The following LURAP1 variants were observed in gnomAD, a reference collection of about 807,000 sequenced individuals.
LURAP1 encodes the protein leucine rich adaptor protein 1.
Under a neutral mutation model 19.0 loss-of-function variants are expected in LURAP1, and 14 were observed. That is an observed-to-expected ratio of 0.74 (90% CI 0.49 to 1.15). The LOEUF (loss-of-function observed/expected upper bound fraction) is 1.15, where lower values mean the gene tolerates loss of function less well. Ranked by LOEUF, LURAP1 falls within the 50% of genes most tolerant of loss-of-function variation. The pLI is 0.00. For missense variants in LURAP1, 273 were observed against 309.1 expected, an observed-to-expected ratio of 0.88 and a Z score of 0.87; for synonymous variants, 129 against 131.8, an observed-to-expected ratio of 0.98 and a Z score of 0.14.
intron 1 of LURAP1, among the ~76,000 whole-genome samples, chr1:46,211,997 G>C (rs977558707): frequency 6.6e-6 from 1 of 152,032 alleles, no homozygotes; most frequent in African/African-American, 2.4e-5. Context: ...CCTGATCTCA[G>C]GTGATCTTCC....
In LURAP1 at chr1:46,220,539, C is replaced by G. The variant is rs932569278; in HGVS notation, c.*319C>G. ...TGACCTCCTGGGCTCAAGCGATCCT[C>G]CTATTTCAGCCTCCCCCATAGTTAG... On this transcript the variant is annotated 3_prime_UTR_variant, in exon 2 of 2. Transcript: ENST00000371980. The G allele has an allele frequency of 6.2e-5, 14 of 224,584 alleles. No homozygotes were observed. The highest frequency in any genetic ancestry group is 3.2e-4 in the African/African-American group (14 of 43,782). 13.9% of individuals were successfully genotyped at this position (224,584 alleles called of 1,614,324 possible). A position where few individuals can be genotyped will look rare whatever the true frequency, so the allele number is the denominator to read the frequency against.
intron 1 of LURAP1, among the ~76,000 whole-genome samples, chr1:46,214,502 C>CA (rs1659002644): frequency 6.6e-6 from 1 of 152,078 alleles, no homozygotes; most frequent in Non-Finnish European, 1.5e-5. Flanking sequence ...AAAAGGTAAA[C>CA]ATTCAGAGAA....
chr1:46,217,673 C>T (rs751395922), intron 1 of LURAP1, among the ~76,000 whole-genome samples: 26 of 151,868 alleles, frequency 1.7e-4, no homozygotes, highest in Non-Finnish European at 2.5e-4. Flanking sequence ...CCTGGCTAAC[C>T]TGGTGATGCC....
Position 46,220,362 on chromosome 1 carries a change from C to T in LURAP1, c.*142C>T. 1 of 850,242 alleles carries T rather than the reference C, an allele frequency of 1.2e-6. No homozygotes were observed. Among genetic ancestry groups the T allele is most frequent in the East Asian group, 2.6e-5 (1 of 38,962 alleles). The allele number at this position is 850,242 out of a possible 1,614,324, so 52.7% of individuals were successfully genotyped here. A position where few individuals can be genotyped will look rare whatever the true frequency, so the allele number is the denominator to read the frequency against. On this transcript the variant is annotated 3_prime_UTR_variant, in exon 2 of 2. Transcript: ENST00000371980. The stretch of plus-strand genomic sequence containing the variant: ...CATGGAAACCTGGCTCATCATTTCT[C>T]TAGTCCCTAGGGAGTCTCTGCCTTT...
Position 46,203,336 on chromosome 1 carries a change from T to G in LURAP1, c.-91T>G. The G allele has an allele frequency of 5.5e-5, 65 of 1,181,938 alleles. No individual in the cohort carries two copies. Among genetic ancestry groups the G allele is most frequent in the Non-Finnish European group, 6.1e-5 (54 of 884,154 alleles). 73.2% of individuals were successfully genotyped at this position (1,181,938 alleles called of 1,614,324 possible). ...CGCCGCGCGGGCGGGGACCCACCGG[T>G]TTTGCTCCGCTTTAGCAGCGGCGAA... is the stretch of plus-strand genomic sequence containing the variant. On this transcript the variant is annotated 5_prime_UTR_variant, in exon 1 of 2. Coordinates refer to ENST00000371980, the MANE Select transcript of LURAP1 (RefSeq NM_001013615.3).
intron 1 of LURAP1, among the ~76,000 whole-genome samples, chr1:46,213,957 G>A (rs1485675240): frequency 6.6e-6 from 1 of 152,012 alleles, no homozygotes; most frequent in African/African-American, 2.4e-5. Context: ...ATACATACAC[G>A]GTTTCTAGTC....
chr1:46,217,683 C>A (rs897372132), intron 1 of LURAP1, among the ~76,000 whole-genome samples: 2 of 152,054 alleles, frequency 1.3e-5, no homozygotes, highest in East Asian at 1.9e-4. Context: ...CTGGTGATGC[C>A]CTGTCTCTAC....
intron 1 of LURAP1, among the ~76,000 whole-genome samples, chr1:46,210,058 T>C (rs1422938777): frequency 6.6e-6 from 1 of 152,202 alleles, no homozygotes; most frequent in Admixed American, 6.5e-5. Context: ...TGCAGTTATT[T>C]ATGTTCATCT....
chr1:46,207,334 C>T (rs1658747581), intron 1 of LURAP1, among the ~76,000 whole-genome samples: 1 of 152,086 alleles, frequency 6.6e-6, no homozygotes, highest in Non-Finnish European at 1.5e-5. Flanking sequence ...TCTGCCTCAG[C>T]CTCCCAAAGT....
chr1:46,203,578 C>A lies in LURAP1; in HGVS notation c.152C>A (p.Thr51Asn). The A allele has an allele frequency of 6.3e-7, 1 of 1,580,152 alleles. No homozygotes were observed. The highest frequency in any genetic ancestry group is 8.6e-7 in the Non-Finnish European group (1 of 1,166,378). The change falls in exon 1 of 2, where the codon ACC becomes AAC. Residue 51 changes from threonine (T) to asparagine (N), a missense_variant. Thr to Asn is a moderately conservative substitution (Grantham distance 65). Coordinates refer to ENST00000371980, the MANE Select transcript of LURAP1 (RefSeq NM_001013615.3). ...GALLLPGASS[T>N]GHDLGDKIMA... The stretch of plus-strand genomic sequence containing the variant: ...CTGCTGCTCCCAGGGGCGTCTAGCA[C>A]CGGCCACGACTTGGGGGACAAGATC...
chr1:46,217,688 C>G (rs1396294985), intron 1 of LURAP1, among the ~76,000 whole-genome samples: 2 of 152,048 alleles, frequency 1.3e-5, no homozygotes, highest in South Asian at 2.1e-4. Context: ...GATGCCCTGT[C>G]TCTACTAAAA....
intron 1 of LURAP1, among the ~76,000 whole-genome samples, chr1:46,219,282 C>T (rs1659157946): frequency 6.8e-6 from 1 of 146,376 alleles, no homozygotes; most frequent in Non-Finnish European, 1.5e-5. Flanking sequence ...ACAACAAGAG[C>T]GAAACTCCAT....
intron 1 of LURAP1, among the ~76,000 whole-genome samples, chr1:46,205,985 T>G (rs966724524): frequency 1.3e-5 from 2 of 152,236 alleles, no homozygotes; most frequent in Non-Finnish European, 2.9e-5. Flanking sequence ...CAGTCCTGCC[T>G]CTAGGCCTCG....
Position 46,210,537 on chromosome 1 carries a change from A to G in LURAP1, c.198+6913A>G, listed in dbSNP as rs781562550. Among the ~76,000 whole-genome samples, 25 of 152,112 alleles carry G rather than the reference A, an allele frequency of 1.6e-4. 1 individual carries two copies. Among genetic ancestry groups the G allele is most frequent in the Admixed American group, 1.2e-3 (19 of 15,268 alleles). On this transcript the variant is annotated intron_variant, in intron 1 of 1. Transcript: ENST00000371980. ...GGGCCTCCTGACCTTCTGACCAACC[A>G]GCTTCAAATTGGGGTTCCTATGACC...
At chr1:46,218,516 C>T (rs1034684358) in intron 1 of LURAP1, among the ~76,000 whole-genome samples, 3 of 152,222 alleles carry the variant, frequency 2.0e-5, no homozygotes, top group Non-Finnish European at 4.4e-5. Flanking sequence ...ATGTTACAGG[C>T]TTTTGAATGC....
rs535136286 is a variant in LURAP1, at chr1:46,212,852, C to T, written c.199-6847C>T. On this transcript the variant is annotated intron_variant, in intron 1 of 1. Coordinates refer to ENST00000371980, the MANE Select transcript of LURAP1 (RefSeq NM_001013615.3). ...CCAGCTCACTGCAAGCTCCACCTCC[C>T]GAGTTCACACCATTCTCTTGCCTCA... Among the ~76,000 whole-genome samples, 18 of 152,210 alleles carry T rather than the reference C, an allele frequency of 1.2e-4. No individual in the cohort carries two copies. The East Asian group carries it at 1.9e-3, about 16-fold the overall frequency.
In LURAP1 at chr1:46,220,585, A is replaced by C; in HGVS notation, c.*365A>C. On this transcript the variant is annotated 3_prime_UTR_variant, in exon 2 of 2. Transcript: ENST00000371980. ...GTTAGGACCACAGGCATGCACCACC[A>C]TGCCCAGCTAATTGTTTATTTATTT... is the stretch of plus-strand genomic sequence containing the variant. The C allele has an allele frequency of 5.8e-6, 1 of 173,468 alleles. No homozygotes were observed. The highest frequency in any genetic ancestry group is 1.2e-5 in the Non-Finnish European group (1 of 82,808). The allele number at this position is 173,468 out of a possible 1,614,324, so 10.7% of individuals were successfully genotyped here. A position where few individuals can be genotyped will look rare whatever the true frequency, so the allele number is the denominator to read the frequency against.
intron 1 of LURAP1, among the ~76,000 whole-genome samples, chr1:46,215,843 A>G (rs10047256): frequency 0.059 from 8,984 of 152,054 alleles, 484 homozygotes; most frequent in African/African-American, 0.14. Context: ...GCTGTAGTCA[A>G]CCATGATTGT....
intron 1 of LURAP1, among the ~76,000 whole-genome samples, chr1:46,216,435 A>C (rs1659073625): frequency 6.6e-6 from 1 of 152,078 alleles, no homozygotes. Flanking sequence ...TTGACCCCCC[A>C]GGCTCAAGCA....
Sources: allele counts gnomAD v4.1 joint callset (sites outside exome capture counted in the v4.1 genomes callset), GRCh38; gene constraint gnomAD v4.1.1; transcripts MANE v1.5; gene names NCBI Gene and HGNC (gene_info 2026-07-23, HGNC 2026-07-21).